LRFN5: variants seen among roughly 807,000 people sequenced by gnomAD.
The protein encoded by LRFN5 is leucine-rich repeat and fibronectin type-III domain-containing protein 5.
LRFN5 carries 24 observed loss-of-function variants against 45.6 expected under a neutral mutation model. The ratio of observed to expected loss-of-function variants is 0.53; its 90% CI spans 0.38 to 0.74. The LOEUF (loss-of-function observed/expected upper bound fraction) is 0.74, where lower values mean the gene tolerates loss of function less well. Ranked by LOEUF, LRFN5 falls within the 30% of genes least tolerant of loss-of-function variation. The pLI, the probability that LRFN5 is intolerant of heterozygous loss-of-function variation, is 0.00. For missense variants in LRFN5, 776 were observed against 861.5 expected (o/e 0.90, Z 1.24); for synonymous variants, 340 against 313.8 (o/e 1.08, Z -0.88).
intron 1 of LRFN5, among the ~76,000 whole-genome samples, chr14:41,629,003 G>A (rs1287881515): frequency 3.3e-5 from 5 of 152,024 alleles, no homozygotes; most frequent in African/African-American, 1.2e-4. Context: ...CCAGTTGTTA[G>A]GTTAGATTCA....
At chr14:41,861,017 A>G (rs1594473625) in intron 2 of LRFN5, among the ~76,000 whole-genome samples, 1 of 152,300 alleles carries the variant, frequency 6.6e-6, no homozygotes, top group South Asian at 2.1e-4. Context: ...TACTTGTTGC[A>G]TTTATTTCAT....
intron 1 of LRFN5, among the ~76,000 whole-genome samples, chr14:41,619,880 A>G (rs956627382): frequency 5.9e-5 from 9 of 152,094 alleles, no homozygotes; most frequent in Non-Finnish European, 1.5e-5. Flanking sequence ...CAGTGAAATA[A>G]TGTATTCCTA....
At chr14:41,845,970 G>A (rs773340257) in intron 2 of LRFN5, among the ~76,000 whole-genome samples, 2 of 152,170 alleles carry the variant, frequency 1.3e-5, no homozygotes, top group Non-Finnish European at 2.9e-5. Flanking sequence ...TAAAGTATTT[G>A]TTTCAGAAAG....
intron 1 of LRFN5, among the ~76,000 whole-genome samples, chr14:41,708,438 A>G (rs1883152618): frequency 6.6e-6 from 1 of 152,046 alleles, no homozygotes; most frequent in African/African-American, 2.4e-5. Flanking sequence ...CAAACCTGTG[A>G]TACTATTATC....
intron 2 of LRFN5, among the ~76,000 whole-genome samples, chr14:41,859,357 G>A (rs913109670): frequency 6.6e-6 from 1 of 152,156 alleles, no homozygotes; most frequent in Non-Finnish European, 1.5e-5. Context: ...TACAAATTCA[G>A]CTATCTCCAA....
chr14:41,696,431 G>A (rs143463487), intron 1 of LRFN5, among the ~76,000 whole-genome samples: 1,749 of 151,970 alleles, frequency 0.012, 26 homozygotes, highest in African/African-American at 0.04. Context: ...ATATTACAGA[G>A]AAATATTTTG....
intron 1 of LRFN5, among the ~76,000 whole-genome samples, chr14:41,722,458 G>T (rs1161270311): frequency 6.6e-6 from 1 of 151,638 alleles, no homozygotes. Flanking sequence ...CAGAATTCTT[G>T]TTCTGATTTC....
chr14:41,680,310 A>C (rs1881828329), intron 1 of LRFN5, among the ~76,000 whole-genome samples: 1 of 152,204 alleles, frequency 6.6e-6, no homozygotes, highest in Non-Finnish European at 1.5e-5. Flanking sequence ...CCTTTGGCCC[A>C]GACCCAGTGT....
intron 1 of LRFN5, among the ~76,000 whole-genome samples, chr14:41,706,141 C>T (rs1473289566): frequency 6.6e-6 from 1 of 151,580 alleles, no homozygotes; most frequent in Non-Finnish European, 1.5e-5. Context: ...GCACTTGTTG[C>T]CCAGGCTGGA....
At chr14:41,610,231 T>G (rs1023572510) in intron 1 of LRFN5, 2 of 152,242 alleles carry the variant, frequency 1.3e-5, no homozygotes, top group Non-Finnish European at 2.9e-5. Flanking sequence ...GGTGGTGTCC[T>G]GTCTTTGCCT....
chr14:41,858,174 C>G (rs940142978), intron 2 of LRFN5, among the ~76,000 whole-genome samples: 8 of 152,106 alleles, frequency 5.3e-5, no homozygotes. Flanking sequence ...CAAATTAATA[C>G]ACATTCAGAA....
chr14:41,694,093 GTTTAA>G lies in LRFN5; in HGVS notation c.-196-72754_-196-72750del, dbSNP rs763874837. Among the ~76,000 whole-genome samples, 26 of 151,960 alleles carry G rather than the reference GTTTAA, an allele frequency of 1.7e-4. 1 individual carries two copies. Among genetic ancestry groups the G allele is most frequent in the African/African-American group, 2.4e-4 (10 of 41,482 alleles). On this transcript the variant is annotated intron_variant, in intron 1 of 5. Coordinates refer to ENST00000298119, the MANE Select transcript of LRFN5 (RefSeq NM_152447.5). ...TATTATTTTAATTGACATTTATGTA[GTTTAA>G]TTTAATGTTTTACATATGTGTACAA...
chr14:41,891,876 A>G lies in LRFN5; in HGVS notation c.2012A>G (p.Asn671Ser), dbSNP rs1253865237. 5 of 1,614,204 alleles carry G rather than the reference A, an allele frequency of 3.1e-6. No homozygotes were observed. The highest frequency in any genetic ancestry group is 4.2e-6 in the Non-Finnish European group (5 of 1,180,034). ...GTTGAATCCCAAAACACTAACAGGA[A>G]CAACTCAACTGCCTTGCAGTTAGCT... ...TNVESQNTNR[N>S]NSTALQLASR... Residue 671 changes from asparagine to serine, a missense_variant, in exon 4 of 6, where the codon AAC (asparagine) becomes AGC (serine). Coordinates refer to ENST00000298119, the MANE Select transcript of LRFN5 (RefSeq NM_152447.5).
At chr14:41,654,133 C>T (rs899692081) in intron 1 of LRFN5, among the ~76,000 whole-genome samples, 2 of 151,744 alleles carry the variant, frequency 1.3e-5, no homozygotes, top group Non-Finnish European at 2.9e-5. Context: ...ACCAACATGG[C>T]ACATGTATAC....
intron 2 of LRFN5, among the ~76,000 whole-genome samples, chr14:41,822,212 T>C (rs890763586): frequency 1.3e-5 from 2 of 152,038 alleles, no homozygotes; most frequent in African/African-American, 4.8e-5. Context: ...GGGCTTGTTA[T>C]GTTCTTATTT....
At chr14:41,772,316 A>G (rs570417339) in intron 2 of LRFN5, among the ~76,000 whole-genome samples, 10 of 152,328 alleles carry the variant, frequency 6.6e-5, no homozygotes, top group Non-Finnish European at 1.3e-4. Context: ...CATCCAAACC[A>G]TATCAAATCT....
At chr14:41,640,018 T>C (rs1879501183) in intron 1 of LRFN5, among the ~76,000 whole-genome samples, 1 of 140,728 alleles carries the variant, frequency 7.1e-6, no homozygotes, top group Non-Finnish European at 1.5e-5. Context: ...TAGGCTGGTC[T>C]CAAACTCCTG....
chr14:41,899,061 T>C, intron 5 of LRFN5, 101 bp downstream of exon 5: 1 of 946,282 alleles, frequency 1.1e-6, no homozygotes, highest in Non-Finnish European at 1.6e-6. Context: ...ATGTAGCTTG[T>C]TGAAATTTTC....
chr14:41,734,024 C>CTTTTTTTTTTTTT (rs1241948731), intron 1 of LRFN5, among the ~76,000 whole-genome samples: 11 of 115,530 alleles, frequency 9.5e-5, no homozygotes, highest in African/African-American at 4.2e-4. Context: ...CTTTTCTTTT[C>CTTTTTTTTTTTTT]TTTTCTTTTT....
Sources: allele counts gnomAD v4.1 joint callset (sites outside exome capture counted in the v4.1 genomes callset), GRCh38; gene constraint gnomAD v4.1.1; transcripts MANE v1.5; gene names NCBI Gene and HGNC (gene_info 2026-07-23, HGNC 2026-07-21).